Variants in SLC39A8 observed in about 807,000 individuals in gnomAD.
SLC39A8 encodes solute carrier family 39 member 8.
A neutral mutation model predicts 40.4 loss-of-function variants in SLC39A8; 15 were observed. The ratio of observed to expected loss-of-function variants is 0.37; its 90% confidence interval spans 0.25 to 0.57. The LOEUF (loss-of-function observed/expected upper bound fraction) is 0.57. SLC39A8 is among the 20% of genes least tolerant of loss of function. The pLI, the probability that SLC39A8 is intolerant of heterozygous loss-of-function variation, is 0.75. For synonymous variants in SLC39A8, 223 were observed against 221.6 expected, an observed-to-expected ratio of 1.01 and a Z score of -0.06; for missense variants, 472 against 558.8, an observed-to-expected ratio of 0.84 and a Z score of 1.57.
intron 6 of SLC39A8, among the ~76,000 whole-genome samples, 195 bp downstream of exon 6, chr4:102,304,122 A>C (rs1244687581): frequency 6.6e-6 from 1 of 151,892 alleles, no homozygotes; most frequent in Admixed American, 6.6e-5. Context: ...TTTCTTTCTT[A>C]ACTCACTTGT....
At chr4:102,292,594 A>G (rs992743295) in intron 6 of SLC39A8, among the ~76,000 whole-genome samples, 2 of 152,108 alleles carry the variant, frequency 1.3e-5, no homozygotes, top group African/African-American at 4.8e-5. Context: ...CCAGTTGATA[A>G]GTGCTTATAA....
intron 1 of SLC39A8, 189 bp downstream of exon 1, chr4:102,345,156 C>T (rs1736122243): frequency 6.5e-6 from 1 of 154,458 alleles, no homozygotes; most frequent in South Asian, 2.0e-4. Flanking sequence ...AGAACTCCAC[C>T]TCCTCTTCCT....
At chr4:102,253,305 C>T in exon 12 of SLC39A8, 1 of 557,152 alleles carries the variant, frequency 1.8e-6, no homozygotes, top group East Asian at 3.2e-5. Context: ...TCACAGCACA[C>T]ACAGCATCAC....
Position 102,307,577 on chromosome 4 carries a change from C to G in SLC39A8, c.411G>C (p.Thr137=). 1 of 1,612,982 alleles carries G rather than the reference C, an allele frequency of 6.2e-7. No homozygotes were observed. Among genetic ancestry groups the G allele is most frequent in the Non-Finnish European group, 8.5e-7 (1 of 1,179,414 alleles). The change falls in exon 4 of 9, where the codon ACG becomes ACC. Residue 137 remains threonine, a synonymous_variant. Transcript: ENST00000356736. ...EVWGYGFLSV[T]IINLASLLGL... ...CGAGGAGAGATGCCAGATTAATAAT[C>G]GTCACTGACAGGAATCCATATCCCC... is the stretch of plus-strand genomic sequence containing the variant.
intron 3 of SLC39A8, among the ~76,000 whole-genome samples, chr4:102,315,217 A>T (rs1345853643): frequency 6.6e-6 from 1 of 152,166 alleles, no homozygotes; most frequent in Admixed American, 6.6e-5. Flanking sequence ...ATGAAAATTA[A>T]AACTAATAAT....
chr4:102,297,197 T>G (rs1359000022), intron 6 of SLC39A8, among the ~76,000 whole-genome samples: 1 of 152,038 alleles, frequency 6.6e-6, no homozygotes, highest in Non-Finnish European at 1.5e-5. Context: ...ACGGAGATGA[T>G]GAGGAAGGCT....
chr4:102,289,018 AG>A (rs747514393), intron 6 of SLC39A8, among the ~76,000 whole-genome samples: 9 of 152,204 alleles, frequency 5.9e-5, no homozygotes, highest in Non-Finnish European at 1.3e-4. Flanking sequence ...GATGCCATCC[AG>A]GGCTTTCATA....
At chr4:102,283,259 C>G (rs1005687238) in intron 6 of SLC39A8, among the ~76,000 whole-genome samples, 5 of 152,088 alleles carry the variant, frequency 3.3e-5, no homozygotes, top group Admixed American at 2.0e-4. Flanking sequence ...AGGGACTTGC[C>G]CAAAACGACA....
chr4:102,293,452 C>T (rs1215284791), intron 6 of SLC39A8, among the ~76,000 whole-genome samples: 2 of 151,922 alleles, frequency 1.3e-5, no homozygotes, highest in Non-Finnish European at 2.9e-5. Flanking sequence ...GGCTTCTTTG[C>T]TCTTCAATAT....
At chr4:102,338,251 A>G (rs1421694200) in intron 2 of SLC39A8, among the ~76,000 whole-genome samples, 2 of 143,744 alleles carry the variant, frequency 1.4e-5, no homozygotes, top group African/African-American at 2.6e-5. Flanking sequence ...CAGTGGCGCC[A>G]TCTCGGCTCA....
chr4:102,307,580 C>T lies in SLC39A8; in HGVS notation c.408G>A (p.Val136=), dbSNP rs553681186. ...GGAGAGATGCCAGATTAATAATCGT[C>T]ACTGACAGGAATCCATATCCCCAAA... ...SEVWGYGFLS[V]TIINLASLLG... Residue 136 remains valine, a synonymous_variant, in exon 4 of 9, where the codon GTG becomes GTA. Transcript: ENST00000356736. The T allele has an allele frequency of 1.1e-5, 18 of 1,613,204 alleles. No homozygotes were observed. In the South Asian group the frequency reaches 1.8e-4, roughly 16 times the overall value.
chr4:102,309,509 A>G (rs1483183310), intron 3 of SLC39A8, among the ~76,000 whole-genome samples: 4 of 152,018 alleles, frequency 2.6e-5, no homozygotes, highest in African/African-American at 4.8e-5. Context: ...AGAGTTCTCA[A>G]TTCCACACCT....
rs145557575 is a variant in SLC39A8 at position 102,268,289 on chromosome 4, G to A, written c.841-210C>T. ...TCATCAACTGACACACCTCGAATAA[G>A]CCACTAACAGATATTTTCCTTTACT... is the stretch of plus-strand genomic sequence containing the variant. On this transcript the variant is annotated intron_variant, in intron 6 of 8. Coordinates refer to ENST00000356736, the MANE Select transcript of SLC39A8 (RefSeq NM_001135146.2). Among the ~76,000 whole-genome samples the A allele has an allele frequency of 1.1e-3, 165 of 152,262 alleles. No homozygotes were observed. The East Asian group carries it at 0.02, about 19-fold the overall frequency.
At chr4:102,290,166 T>C (rs1733360006) in intron 6 of SLC39A8, among the ~76,000 whole-genome samples, 1 of 152,110 alleles carries the variant, frequency 6.6e-6, no homozygotes. Context: ...TACAAAAACA[T>C]TAGAACTTGC....
intron 11 of SLC39A8, among the ~76,000 whole-genome samples, chr4:102,255,854 A>G (rs1731697469): frequency 6.6e-6 from 1 of 152,228 alleles, no homozygotes; most frequent in South Asian, 2.1e-4. Context: ...CATCTTTATG[A>G]CTATTCTAAA....
intron 2 of SLC39A8, among the ~76,000 whole-genome samples, chr4:102,318,947 C>T (rs1734776283): frequency 2.6e-5 from 4 of 152,092 alleles, no homozygotes; most frequent in South Asian, 2.1e-4. Flanking sequence ...TCGTGTTCAG[C>T]GCGTTGACAT....
chr4:102,321,013 T>C (rs935228288), intron 2 of SLC39A8, among the ~76,000 whole-genome samples: 3 of 151,848 alleles, frequency 2.0e-5, no homozygotes, highest in African/African-American at 7.3e-5. Flanking sequence ...CTAGGTATAA[T>C]ATTGATGGGA....
At chr4:102,253,338 C>T (rs1182614476) in exon 12 of SLC39A8, 23 of 689,340 alleles carry the variant, frequency 3.3e-5, no homozygotes, top group East Asian at 2.8e-5. Flanking sequence ...ATAACTATGT[C>T]ATATGCCAAC....
Position 102,344,779 on chromosome 4 carries a change from G to A in SLC39A8, c.-117C>T. 1 of 1,322,358 alleles carries A rather than the reference G, an allele frequency of 7.6e-7. No homozygotes were observed. 81.9% of individuals were successfully genotyped at this position (1,322,358 alleles called of 1,614,324 possible). On this transcript the variant is annotated 5_prime_UTR_variant, in exon 2 of 9. Coordinates refer to ENST00000356736, the MANE Select transcript of SLC39A8 (RefSeq NM_001135146.2). ...GCGTCAGTGCTCGGCGCTGCTCCGA[G>A]TCAGAGGTGGCGCGGGACGCCCCTG...
Sources: gnomAD v4.1 joint callset for allele counts (sites outside exome capture counted in the v4.1 genomes callset) on GRCh38, gnomAD v4.1.1 for gene constraint, MANE v1.5 for transcripts, NCBI Gene and HGNC (gene_info 2026-07-23, HGNC 2026-07-21) for gene names.